The following PTPN5 variants were observed in gnomAD, a reference collection of about 807,000 sequenced individuals.
PTPN5 encodes the protein tyrosine-protein phosphatase non-receptor type 5.
Under a neutral mutation model 73.9 loss-of-function variants are expected in PTPN5, and 29 were observed. That is an observed-to-expected ratio of 0.39 (90% confidence interval 0.29 to 0.54). The LOEUF (loss-of-function observed/expected upper bound fraction) is 0.54. Ranked by LOEUF, PTPN5 falls within the 20% of genes least tolerant of loss-of-function variation. The pLI is 0.65. For synonymous variants in PTPN5, 267 were observed against 304.7 expected (o/e 0.88, Z 1.29); for missense variants, 652 against 751.4 (o/e 0.87, Z 1.55).
intron 3 of PTPN5, among the ~76,000 whole-genome samples, chr11:18,758,981 C>A (rs1030413488): frequency 6.6e-6 from 1 of 151,974 alleles, no homozygotes; most frequent in Non-Finnish European, 1.5e-5. Flanking sequence ...CCCCACCAAC[C>A]CTGGCCCCTT....
In PTPN5 at chr11:18,742,842, C is replaced by A; in HGVS notation, c.483+150G>T. ...TTTTCGGAAAGAAGGAGGCTCTTGC[C>A]CCAGGCTGGCACACTTGTGCAAAGA... On this transcript the variant is annotated intron_variant, in intron 6 of 14. Transcript: ENST00000358540. The surrounding 1 kb of genome is among the most constrained non-coding windows in gnomAD (Gnocchi z 4.1). The A allele has an allele frequency of 1.5e-6, 1 of 679,886 alleles. No individual in the cohort carries two copies. Among genetic ancestry groups the A allele is most frequent in the Non-Finnish European group, 2.5e-6 (1 of 393,836 alleles). The allele number at this position is 679,886 out of a possible 1,614,324, so 42.1% of individuals were successfully genotyped here.
chr11:18,756,002 TAAAAAAAA>T (rs532445728), intron 3 of PTPN5, among the ~76,000 whole-genome samples: 1 of 113,192 alleles, frequency 8.8e-6, no homozygotes, highest in Admixed American at 1.0e-4. Context: ...AGACTCTAAA[TAAAAAAAA>T]AAAAAAAAAA....
intron 9 of PTPN5, among the ~76,000 whole-genome samples, chr11:18,735,719 T>C (rs1849082017): frequency 6.7e-6 from 1 of 149,698 alleles, no homozygotes. Context: ...GAGCCGAGAC[T>C]GTGCCACTGC....
At chr11:18,751,045 G>A (rs1161008104) in intron 3 of PTPN5, among the ~76,000 whole-genome samples, 4 of 152,168 alleles carry the variant, frequency 2.6e-5, no homozygotes, top group African/African-American at 7.2e-5. Context: ...GCGGAGTGGT[G>A]GAAGAGTCTA....
intron 3 of PTPN5, among the ~76,000 whole-genome samples, chr11:18,764,509 ACT>A (rs1850543765): frequency 1.3e-5 from 2 of 152,192 alleles, no homozygotes; most frequent in African/African-American, 2.4e-5. Flanking sequence ...GAGCTGGGGC[ACT>A]GAGTGTGGTG....
chr11:18,784,531 T>C (rs535481971), intron 1 of PTPN5, among the ~76,000 whole-genome samples: 4 of 152,310 alleles, frequency 2.6e-5, no homozygotes, highest in Admixed American at 2.0e-4. Flanking sequence ...AGTACAGCGA[T>C]TCAGTCTGGG....
At position 18,744,105 on chromosome 11, in the gene PTPN5, C is replaced by T. The variant is rs756875806; in HGVS notation, c.192G>A (p.Pro64=). The part of the protein sequence containing the change: ...REMPPPPPPS[P]PSDPAQKPPP... ...GTGGCTTCTGAGCTGGATCTGAGGGCGGCGAGGGAGGAGGGGGTGGCGGCA... is the reference window on the plus strand; with the variant it reads ...GTGGCTTCTGAGCTGGATCTGAGGGTGGCGAGGGAGGAGGGGGTGGCGGCA... The change falls in exon 4 of 15, where the codon CCG becomes CCA. Residue 64 remains proline, a synonymous_variant. Coordinates refer to ENST00000358540, the MANE Select transcript of PTPN5 (RefSeq NM_006906.2). 6.2e-6 allele frequency: 10 copies of T among 1,610,604 alleles called. No homozygotes were observed. The highest frequency in any genetic ancestry group is 4.0e-5 in the African/African-American group (3 of 74,648).
chr11:18,777,975 G>GAAGA (rs55648455), intron 1 of PTPN5, among the ~76,000 whole-genome samples: 5 of 145,610 alleles, frequency 3.4e-5, no homozygotes, highest in African/African-American at 7.7e-5. Context: ...AGGAAGGAAG[G>GAAGA]AAGAAAGAAA....
intron 3 of PTPN5, among the ~76,000 whole-genome samples, chr11:18,746,784 CA>C (rs1849663712): frequency 6.6e-6 from 1 of 152,040 alleles, no homozygotes; most frequent in South Asian, 2.1e-4. Context: ...ATCCTGGGAG[CA>C]AGGTGAAAAA....
rs568893740 is a variant in PTPN5 at position 18,748,453 on chromosome 11, A to T, written c.98-4254T>A. Among the ~76,000 whole-genome samples the T allele has an allele frequency of 2.4e-4, 36 of 152,312 alleles. No homozygotes were observed. The East Asian group carries it at 4.0e-3, about 17-fold the overall frequency. ...GCAGCCCTGGGGACCAGATGCATCCAACTGATGGGTATTTACTGGGCAACT... is the reference window on the plus strand; with the variant it reads ...GCAGCCCTGGGGACCAGATGCATCCTACTGATGGGTATTTACTGGGCAACT... On this transcript the variant is annotated intron_variant, in intron 3 of 14. Coordinates refer to ENST00000358540, the MANE Select transcript of PTPN5 (RefSeq NM_006906.2).
At chr11:18,779,651 T>C (rs1323311352) in intron 1 of PTPN5, among the ~76,000 whole-genome samples, 1 of 152,122 alleles carries the variant, frequency 6.6e-6, no homozygotes, top group Non-Finnish European at 1.5e-5. Context: ...TTCTCTCCTT[T>C]CCCTGTGCCA....
chr11:18,744,696 A>T (rs1590521397), intron 3 of PTPN5, among the ~76,000 whole-genome samples: 1 of 151,924 alleles, frequency 6.6e-6, no homozygotes, highest in South Asian at 2.1e-4. Flanking sequence ...ATGTGCCCCC[A>T]CCCCATCTCA....
Position 18,737,929 on chromosome 11 carries a change from G to A in PTPN5, c.951C>T (p.Tyr317=), listed in dbSNP as rs761194547. Residue 317 remains tyrosine (Y), a synonymous_variant, in exon 9 of 15, where the codon TAC becomes TAT. Transcript: ENST00000358540. ...IPMNFVDPKE[Y]DIPGLVRKNR... ...TCTTCCGCACCAGCCCAGGGATGTCGTACTCTTTCGGATCCACAAAGTTCA... is the reference window on the plus strand; with the variant it reads ...TCTTCCGCACCAGCCCAGGGATGTCATACTCTTTCGGATCCACAAAGTTCA... The A allele has an allele frequency of 1.2e-5, 20 of 1,614,168 alleles. No individual in the cohort carries two copies. The highest frequency in any genetic ancestry group is 3.3e-5 in the Admixed American group (2 of 60,020).
intron 1 of PTPN5, among the ~76,000 whole-genome samples, chr11:18,790,891 T>C (rs1483484058): frequency 6.6e-6 from 1 of 152,172 alleles, no homozygotes; most frequent in Non-Finnish European, 1.5e-5. Context: ...GTTCCCAGGA[T>C]TCGTCTGGCC....
chr11:18,761,356 G>T (rs1850381784), intron 3 of PTPN5, among the ~76,000 whole-genome samples: 1 of 152,198 alleles, frequency 6.6e-6, no homozygotes. Context: ...TGCTGGATGG[G>T]GGAAGGAGTG....
At chr11:18,744,253 G>C in intron 3 of PTPN5, 54 bp from the exon 4 acceptor site, 1 of 1,418,006 alleles carries the variant, frequency 7.1e-7, no homozygotes, top group Non-Finnish European at 9.2e-7. Flanking sequence ...CACAGGCAGG[G>C]CTCTGCCACC....
intron 2 of PTPN5, among the ~76,000 whole-genome samples, chr11:18,766,597 T>C (rs1374835999): frequency 6.6e-6 from 1 of 152,186 alleles, no homozygotes; most frequent in African/African-American, 2.4e-5. Flanking sequence ...GGGCACCTTA[T>C]AGGAGAGTAT....
chr11:18,736,626 C>T (rs1163632662), intron 9 of PTPN5, among the ~76,000 whole-genome samples: 2 of 152,228 alleles, frequency 1.3e-5, no homozygotes, highest in African/African-American at 4.8e-5. Flanking sequence ...CTGCACCCCC[C>T]AACCCAGTCT....
chr11:18,752,361 G>A (rs1349739362), intron 3 of PTPN5, among the ~76,000 whole-genome samples: 1 of 152,174 alleles, frequency 6.6e-6, no homozygotes, highest in Admixed American at 6.5e-5. Context: ...AGAGATGATG[G>A]GGAAAGGGGA....
Sources: allele counts gnomAD v4.1 joint callset (sites outside exome capture counted in the v4.1 genomes callset), GRCh38; gene constraint gnomAD v4.1.1; non-coding constraint Gnocchi (gnomAD v3.1); transcripts MANE v1.5; gene names NCBI Gene and HGNC (gene_info 2026-07-23, HGNC 2026-07-21).